UIMC1: variants seen among roughly 807,000 people sequenced by gnomAD.
UIMC1 encodes the protein ubiquitin interaction motif containing 1, also known as BRCA1-A complex subunit RAP80.
In UIMC1, 42 loss-of-function variants were observed where a neutral mutation model predicts 84.9. That is an observed-to-expected ratio of 0.49 (90% CI 0.39 to 0.64). The LOEUF (loss-of-function observed/expected upper bound fraction) is 0.64, where lower values mean the gene tolerates loss of function less well. Ranked by LOEUF, UIMC1 falls within the 30% of genes least tolerant of loss-of-function variation. The pLI is 0.00. For synonymous variants in UIMC1, 281 were observed against 293.0 expected (o/e 0.96, Z 0.42); for missense variants, 825 against 847.6 (o/e 0.97, Z 0.33).
intron 3 of UIMC1, among the ~76,000 whole-genome samples, chr5:176,971,408 T>C (rs971446364): frequency 6.6e-6 from 1 of 152,026 alleles, no homozygotes; most frequent in Non-Finnish European, 1.5e-5. Flanking sequence ...GTCCAAAGCA[T>C]GAAATGAACA....
chr5:176,964,855 C>T (rs565921947), intron 6 of UIMC1, among the ~76,000 whole-genome samples: 1 of 152,294 alleles, frequency 6.6e-6, no homozygotes, highest in African/African-American at 2.4e-5. Context: ...CAAGTAACCT[C>T]CATCAAGCCA....
At chr5:176,927,648 TGGTCAAGTTGGA>T (rs1164234282) in intron 10 of UIMC1, among the ~76,000 whole-genome samples, 6 of 152,040 alleles carry the variant, frequency 3.9e-5, no homozygotes, top group Non-Finnish European at 7.4e-5. Context: ...ATGAGGTGGG[TGGTCAAGTTGGA>T]GTGTTACCAG....
chr5:176,935,855 C>T (rs1182878341), intron 10 of UIMC1, among the ~76,000 whole-genome samples: 1 of 152,154 alleles, frequency 6.6e-6, no homozygotes, highest in East Asian at 1.9e-4. Context: ...AGAATTCCTA[C>T]CTCCTCCTAC....
chr5:176,995,427 T>TA (rs1203816800), intron 1 of UIMC1, among the ~76,000 whole-genome samples: 1 of 148,848 alleles, frequency 6.7e-6, no homozygotes, highest in Admixed American at 6.8e-5. Flanking sequence ...CATGCACCTG[T>TA]AATTCCAGTT....
chr5:176,992,419 G>A (rs536226850), intron 1 of UIMC1, among the ~76,000 whole-genome samples: 23 of 150,278 alleles, frequency 1.5e-4, no homozygotes, highest in South Asian at 8.4e-4. Flanking sequence ...GAACTCAAGC[G>A]TTCAAGACGA....
In UIMC1 at chr5:176,941,017, T is replaced by C. The variant is rs566582019; in HGVS notation, c.1597+2318A>G. Among the ~76,000 whole-genome samples, 8 of 152,344 alleles carry C rather than the reference T, an allele frequency of 5.3e-5. No homozygotes were observed. The East Asian group carries it at 1.5e-3, about 29-fold the overall frequency. On this transcript the variant is annotated intron_variant, in intron 10 of 14. Transcript: ENST00000511320. Reference sequence around the variant, plus strand: ...GAGCCTACCTTACTGTCACCCTATATGGGAACATATCCTTGGGAAATAATC... The same window carrying C: ...GAGCCTACCTTACTGTCACCCTATACGGGAACATATCCTTGGGAAATAATC...
chr5:176,957,741 A>G (rs1345790611), intron 7 of UIMC1, among the ~76,000 whole-genome samples: 2 of 152,242 alleles, frequency 1.3e-5, no homozygotes, highest in East Asian at 3.8e-4. Context: ...TAGAAGGACT[A>G]TAAAGAAATC....
intron 10 of UIMC1, among the ~76,000 whole-genome samples, chr5:176,939,070 T>C (rs1213023590): frequency 6.6e-6 from 1 of 151,444 alleles, no homozygotes. Flanking sequence ...CTGGGCAACA[T>C]GGTGAGACCC....
intron 10 of UIMC1, among the ~76,000 whole-genome samples, chr5:176,927,206 G>GAA (rs1220549611): frequency 2.5e-4 from 11 of 44,620 alleles, no homozygotes; most frequent in Admixed American, 7.8e-4. Context: ...CTTTAAAAAA[G>GAA]AAAAAAAAAA....
In UIMC1 at chr5:176,987,490, T is replaced by TA. The variant is rs1200419158; in HGVS notation, c.-8-4868dup. Among the ~76,000 whole-genome samples, 10 of 149,456 alleles carry TA rather than the reference T, an allele frequency of 6.7e-5. No individual in the cohort carries two copies. In the East Asian group the frequency reaches 1.8e-3, roughly 27 times the overall value. On this transcript the variant is annotated intron_variant, in intron 1 of 14. Transcript: ENST00000511320. ...GTGAAACCCCATCTCTACCAAAAAATAAAAATAAAAAAACTAGCCAGGCAT... is the reference window on the plus strand; with the variant it reads ...GTGAAACCCCATCTCTACCAAAAAATAAAAAATAAAAAAACTAGCCAGGCAT...
chr5:176,956,048 C>A lies in UIMC1; in HGVS notation c.1263-13G>T, dbSNP rs1215607840. The A allele has an allele frequency of 6.2e-7, 1 of 1,611,506 alleles. No homozygotes were observed. The highest frequency in any genetic ancestry group is 2.2e-5 in the East Asian group (1 of 44,780). On this transcript the variant is annotated splice_polypyrimidine_tract_variant and intron_variant, in intron 7 of 14. Transcript: ENST00000511320. ...CAAAGCAGCAACACTGAAAGAGAACCAAATCCCAAATGAATTCCCAGTAAA... is the reference window on the plus strand; with the variant it reads ...CAAAGCAGCAACACTGAAAGAGAACAAAATCCCAAATGAATTCCCAGTAAA...
At chr5:176,945,591 C>T (rs1301416247) in intron 9 of UIMC1, among the ~76,000 whole-genome samples, 2 of 152,142 alleles carry the variant, frequency 1.3e-5, no homozygotes, top group Non-Finnish European at 2.9e-5. Flanking sequence ...GATTCCTATC[C>T]CAGAAAAAGA....
chr5:176,923,695 C>G (rs1404984163), intron 10 of UIMC1, among the ~76,000 whole-genome samples: 1 of 151,624 alleles, frequency 6.6e-6, no homozygotes, highest in African/African-American at 2.4e-5. Context: ...AAAACTCTGT[C>G]TCTACTAAAA....
Position 176,923,904 on chromosome 5 carries a change from C to G in UIMC1, c.1598-12515G>C, listed in dbSNP as rs1031337106. Among the ~76,000 whole-genome samples, 161 of 95,808 alleles carry G rather than the reference C, an allele frequency of 1.7e-3. 2 individuals carry two copies. Among genetic ancestry groups the G allele is most frequent in the South Asian group, 3.2e-3 (10 of 3,138 alleles). The allele number at this position is 95,808 out of a possible 152,430, so 62.9% of individuals were successfully genotyped here. ...ATATATATATACACACACACAGACA[C>G]ACACACACACACACACACACACAGA... On this transcript the variant is annotated intron_variant, in intron 10 of 14. Transcript: ENST00000511320.
rs746146002 is a variant in UIMC1 at position 176,969,094 on chromosome 5, T to C, written c.661A>G (p.Thr221Ala). The C allele has an allele frequency of 4.3e-6, 7 of 1,614,178 alleles. No homozygotes were observed. The Admixed American group carries it at 1.0e-4, about 23-fold the overall frequency. ...NVNVKSFDRC[T>A]GHSAEHTQCG... ...TGTGTGTGCTCAGCCGAGTGGCCAG[T>C]ACATCTGTCAAAAGATTTAACGTTC... The change falls in exon 6 of 15, where the codon ACT (threonine) becomes GCT (alanine). Residue 221 changes from threonine (T) to alanine (A), a missense_variant. Transcript: ENST00000511320.
At chr5:176,959,081 T>C (rs544763214) in intron 6 of UIMC1, among the ~76,000 whole-genome samples, 1 of 152,356 alleles carries the variant, frequency 6.6e-6, no homozygotes, top group Non-Finnish European at 1.5e-5. Flanking sequence ...AAATCAGGAA[T>C]AGTTGAGTTT....
At chr5:177,018,599 A>G (rs1327295742) in intron 1 of UIMC1, among the ~76,000 whole-genome samples, 2 of 152,194 alleles carry the variant, frequency 1.3e-5, no homozygotes, top group Non-Finnish European at 2.9e-5. Flanking sequence ...CATTTTCCAC[A>G]AGGAGGAAAT....
intron 6 of UIMC1, among the ~76,000 whole-genome samples, chr5:176,967,084 G>A (rs1032394755): frequency 2.0e-5 from 3 of 152,194 alleles, no homozygotes; most frequent in Non-Finnish European, 4.4e-5. Context: ...CACTGCCAGT[G>A]GGAATGTAAA....
chr5:176,907,218 A>T, intron 12 of UIMC1, 41 bp from the exon 13 acceptor site: 1 of 1,578,004 alleles, frequency 6.3e-7, no homozygotes, highest in South Asian at 1.1e-5. Context: ...ACTTCATGTC[A>T]GAGTCTAAAA....
Sources: allele counts gnomAD v4.1 joint callset (sites outside exome capture counted in the v4.1 genomes callset), GRCh38; gene constraint gnomAD v4.1.1; transcripts MANE v1.5; gene names NCBI Gene and HGNC (gene_info 2026-07-23, HGNC 2026-07-21).